SNED1: variants seen among roughly 807,000 people sequenced by gnomAD.
SNED1 encodes the protein sushi, nidogen and EGF like domains 1.
In SNED1, 81 loss-of-function variants were observed where a neutral mutation model predicts 166.7. The observed-to-expected ratio is 0.49, with a 90% CI of 0.41 to 0.58. The LOEUF is 0.58. Among genes scored for constraint, SNED1 ranks in the 20% least tolerant of loss-of-function variants. The probability of loss-of-function intolerance (pLI) is 0.00; values close to 1 mark genes in which losing one functional copy is unlikely to be tolerated. For synonymous variants in SNED1, 762 were observed against 822.0 expected, an observed-to-expected ratio of 0.93 and a Z score of 1.25; for missense variants, 1,604 against 2,000.2, an observed-to-expected ratio of 0.80 and a Z score of 3.78.
chr2:241,089,794 G>GC (rs1299564400), intron 31 of SNED1, among the ~76,000 whole-genome samples: 7 of 152,250 alleles, frequency 4.6e-5, no homozygotes, highest in Non-Finnish European at 8.8e-5. Context: ...CGCATACTTA[G>GC]AACAAACCTA....
At chr2:241,039,945 C>T (rs1358851651) in intron 6 of SNED1, 130 bp from the exon 7 acceptor site, 1 of 723,354 alleles carries the variant, frequency 1.4e-6, no homozygotes, top group East Asian at 2.7e-5. Context: ...CGCTCAGAAA[C>T]CTGCCTGCCA....
chr2:241,053,851 G>A (rs1222533391), intron 16 of SNED1, among the ~76,000 whole-genome samples: 1 of 152,206 alleles, frequency 6.6e-6, no homozygotes, highest in Non-Finnish European at 1.5e-5. Flanking sequence ...CGAAGCCCCT[G>A]GAGAAGTAGG....
intron 1 of SNED1, among the ~76,000 whole-genome samples, chr2:241,025,206 A>C (rs908850371): frequency 6.6e-6 from 1 of 152,192 alleles, no homozygotes. Flanking sequence ...ATTGTGAACT[A>C]TGCATGCGAG....
At chr2:241,065,163 G>A in intron 20 of SNED1, 136 bp from the exon 21 acceptor site, 1 of 948,484 alleles carries the variant, frequency 1.1e-6, no homozygotes, top group Non-Finnish European at 1.6e-6. Flanking sequence ...ACGTGGCCAG[G>A]GACAAAGAAG....
At chr2:241,063,982 G>T in intron 18 of SNED1, 30 bp from the exon 19 acceptor site, 1 of 1,483,796 alleles carries the variant, frequency 6.7e-7, no homozygotes, top group Non-Finnish European at 9.2e-7. Context: ...CCCCCTTGCA[G>T]CTTGGGCCCA....
At position 240,998,965 on chromosome 2, in the gene SNED1, C is replaced by A. The variant is rs2059995931; in HGVS notation, c.128C>A (p.Thr43Asn). The change falls in exon 1 of 32, where the codon ACC becomes AAC. Residue 43 changes from threonine (T) to asparagine (N), a missense_variant. This residue lies in a region of SNED1 where 1,237 missense variants were observed against 1,620.8 expected (regional missense o/e 0.76). Transcript: ENST00000310397. ...PFGAERGDAV[T>N]PKQDDGGSGL... ...GGCGCCGAGCGCGGCGACGCCGTCA[C>A]CCCCAAGCAGGACGACGGCGGCTCG... 1 of 1,322,612 alleles carries A rather than the reference C, an allele frequency of 7.6e-7. No homozygotes were observed. Among genetic ancestry groups the A allele is most frequent in the Non-Finnish European group, 9.7e-7 (1 of 1,033,744 alleles). The allele number at this position is 1,322,612 out of a possible 1,614,324, so 81.9% of individuals were successfully genotyped here.
Position 241,064,722 on chromosome 2 carries a change from C to T in SNED1, c.2600-122C>T, listed in dbSNP as rs1559285434. 2 of 664,708 alleles carry T rather than the reference C, an allele frequency of 3.0e-6. No individual in the cohort carries two copies. Among genetic ancestry groups the T allele is most frequent in the East Asian group, 6.2e-5 (2 of 32,424 alleles). The allele number at this position is 664,708 out of a possible 1,614,324, so 41.2% of individuals were successfully genotyped here. On this transcript the variant is annotated intron_variant, in intron 19 of 31. Coordinates refer to ENST00000310397, the MANE Select transcript of SNED1 (RefSeq NM_001080437.3). The surrounding 1 kb of genome is among the most constrained non-coding windows in gnomAD (Gnocchi z 7.0). ...GAACCGAAGGGAGGCAGTAGCTGTCCTGTGCCCCCCGCCCCTCCACACCCA... is the reference window on the plus strand; with the variant it reads ...GAACCGAAGGGAGGCAGTAGCTGTCTTGTGCCCCCCGCCCCTCCACACCCA...
intron 1 of SNED1, among the ~76,000 whole-genome samples, chr2:241,014,553 G>A (rs1055339026): frequency 1.4e-4 from 22 of 152,160 alleles, no homozygotes; most frequent in African/African-American, 5.3e-4. Flanking sequence ...CTTACCATTG[G>A]ATTTCATCTT....
At chr2:241,046,142 TA>T (rs1343663200) in intron 8 of SNED1, among the ~76,000 whole-genome samples, 1 of 151,984 alleles carries the variant, frequency 6.6e-6, no homozygotes, top group African/African-American at 2.4e-5. Flanking sequence ...TTAGAATGCC[TA>T]AAAAAAATAA....
chr2:241,087,650 T>C lies in SNED1; in HGVS notation c.4205+175T>C, dbSNP rs1575141478. 7.1e-6 allele frequency: 10 copies of C among 1,411,918 alleles called. No homozygotes were observed. The East Asian group carries it at 2.3e-4, about 33-fold the overall frequency. The allele number at this position is 1,411,918 out of a possible 1,614,324, so 87.5% of individuals were successfully genotyped here. A position where few individuals can be genotyped will look rare whatever the true frequency, so the allele number is the denominator to read the frequency against. On this transcript the variant is annotated intron_variant, in intron 30 of 31. Transcript: ENST00000310397. The stretch of plus-strand genomic sequence containing the variant: ...TGCTACGAAACTGTATGTCCATATA[T>C]GTGCATGTGAGCATACCCAGAGGGG...
intron 25 of SNED1, 26 bp from the exon 26 acceptor site, chr2:241,071,767 CTGT>C: frequency 6.4e-7 from 1 of 1,566,660 alleles, no homozygotes; most frequent in Non-Finnish European, 8.7e-7. Flanking sequence ...GGCGCTCGGA[CTGT>C]GGTGACCCTC....
chr2:241,012,859 GGA>G (rs2060458335), intron 1 of SNED1, among the ~76,000 whole-genome samples: 1 of 142,886 alleles, frequency 7.0e-6, no homozygotes, highest in African/African-American at 2.6e-5. Context: ...TTTTTGAGAT[GGA>G]GTCTCGCTCT....
chr2:241,089,170 T>G (rs748644881), intron 31 of SNED1: 4 of 865,932 alleles, frequency 4.6e-6, no homozygotes, highest in Non-Finnish European at 7.0e-6. Context: ...TACAACCTGT[T>G]ACCAGTTTCA....
intron 27 of SNED1, among the ~76,000 whole-genome samples, chr2:241,080,966 T>C (rs2063299632): frequency 6.6e-6 from 1 of 152,220 alleles, no homozygotes; most frequent in African/African-American, 2.4e-5. Context: ...AGGACAGCCC[T>C]TGGATCAGGG....
intron 1 of SNED1, among the ~76,000 whole-genome samples, chr2:241,025,367 C>G (rs866893276): frequency 5.3e-5 from 8 of 152,234 alleles, no homozygotes; most frequent in African/African-American, 1.4e-4. Context: ...GGTTGGGGAC[C>G]ACTGCCCTAG....
At chr2:241,009,669 C>A (rs781284189) in intron 1 of SNED1, among the ~76,000 whole-genome samples, 16 of 152,148 alleles carry the variant, frequency 1.1e-4, no homozygotes, top group African/African-American at 2.4e-4. Context: ...CCCTCCCTTA[C>A]CCCTCCCCTG....
In SNED1 at chr2:241,068,400, C is replaced by T. The variant is rs75272679; in HGVS notation, c.3194+453C>T. 3.3e-5 allele frequency among the ~76,000 whole-genome samples: 5 copies of T among 151,798 alleles called. No individual in the cohort carries two copies. The East Asian group carries it at 9.7e-4, about 29-fold the overall frequency. On this transcript the variant is annotated intron_variant, in intron 22 of 31. Coordinates refer to ENST00000310397, the MANE Select transcript of SNED1 (RefSeq NM_001080437.3). The surrounding 1 kb of genome is among the most constrained non-coding windows in gnomAD (Gnocchi z 5.3). ...TCTCCCAGGAGTCCCACAGTGGACCCCTGTGATTTGGTCGCCAACCAAAGA... is the reference window on the plus strand; with the variant it reads ...TCTCCCAGGAGTCCCACAGTGGACCTCTGTGATTTGGTCGCCAACCAAAGA...
At position 241,037,247 on chromosome 2, in the gene SNED1, C is replaced by G; in HGVS notation, c.939C>G (p.Asn313Lys). ...GCCTGCCCCATGTTTCAGACGTGAACGAATGTGCCTCCCAGCCCTGTCAGA... is the reference window on the plus strand; with the variant it reads ...GCCTGCCCCATGTTTCAGACGTGAAGGAATGTGCCTCCCAGCCCTGTCAGA... ...FTGRRCHLDV[N>K]ECASQPCQNG... Residue 313 changes from asparagine to lysine, a missense_variant, in exon 6 of 32, where the codon AAC (asparagine) becomes AAG (lysine). This residue lies in a region of SNED1 where 1,237 missense variants were observed against 1,620.8 expected (regional missense o/e 0.76). Transcript: ENST00000310397. 1 of 1,608,958 alleles carries G rather than the reference C, an allele frequency of 6.2e-7. No individual in the cohort carries two copies. The highest frequency in any genetic ancestry group is 1.7e-5 in the Admixed American group (1 of 59,528).
At position 241,017,921 on chromosome 2, in the gene SNED1, C is replaced by A. The variant is rs888060902; in HGVS notation, c.214-12363C>A. 2.0e-5 allele frequency among the ~76,000 whole-genome samples: 3 copies of A among 152,220 alleles called. No homozygotes were observed. In the South Asian group the frequency reaches 6.2e-4, roughly 32 times the overall value. On this transcript the variant is annotated intron_variant, in intron 1 of 31. Coordinates refer to ENST00000310397, the MANE Select transcript of SNED1 (RefSeq NM_001080437.3). ...ACGCCACCGTCAATAATTACAGAGG[C>A]AATGAATGAGCCAAAAAAGCAGCTC...
Sources: gnomAD v4.1 joint callset for allele counts (sites outside exome capture counted in the v4.1 genomes callset) on GRCh38, gnomAD v4.1.1 for gene constraint, gnomAD v4.1.1 regional missense constraint, Gnocchi (gnomAD v3.1) non-coding constraint, MANE v1.5 for transcripts, NCBI Gene and HGNC (gene_info 2026-07-23, HGNC 2026-07-21) for gene names.